The following SPAG9 variants were observed in gnomAD, a reference collection of about 807,000 sequenced individuals.
SPAG9 encodes C-Jun-amino-terminal kinase-interacting protein 4.
SPAG9 carries 35 observed loss-of-function variants against 166.5 expected under a neutral mutation model. That is an observed-to-expected ratio of 0.21 (90% CI 0.16 to 0.28). The LOEUF is 0.28. Ranked by LOEUF, SPAG9 falls within the 10% of genes least tolerant of loss-of-function variation. The probability of loss-of-function intolerance (pLI) is 1.00; values close to 1 mark genes in which losing one functional copy is unlikely to be tolerated. For synonymous variants in SPAG9, 534 were observed against 565.5 expected (o/e 0.94, Z 0.79); for missense variants, 1,235 against 1,603.3 (o/e 0.77, Z 3.92).
chr17:51,035,479 T>C (rs964486054), intron 5 of SPAG9, among the ~76,000 whole-genome samples: 73 of 152,264 alleles, frequency 4.8e-4, no homozygotes, highest in African/African-American at 1.6e-3. Context: ...ATGATTCAAC[T>C]ACTATAGAGA....
At chr17:50,997,912 A>G (rs1359153771) in intron 15 of SPAG9, among the ~76,000 whole-genome samples, 2 of 152,272 alleles carry the variant, frequency 1.3e-5, no homozygotes, top group Admixed American at 1.3e-4. Flanking sequence ...ACCAGCAAAA[A>G]TGAGGCATTT....
chr17:51,019,612 G>C (rs1196200748), intron 8 of SPAG9, among the ~76,000 whole-genome samples: 2 of 151,434 alleles, frequency 1.3e-5, no homozygotes, highest in Non-Finnish European at 2.9e-5. Context: ...CAGGACTTTG[G>C]GAGGCCGAGG....
At chr17:51,079,830 T>C (rs2048112491) in intron 1 of SPAG9, 126 bp from the exon 2 acceptor site, 2 of 594,858 alleles carry the variant, frequency 3.4e-6, no homozygotes, top group East Asian at 6.0e-5. Context: ...ATTATGACCT[T>C]GGGTTGATTT....
intron 1 of SPAG9, among the ~76,000 whole-genome samples, chr17:51,087,522 A>C (rs182922221): frequency 6.6e-6 from 1 of 152,122 alleles, no homozygotes; most frequent in South Asian, 2.1e-4. Context: ...CTTTGTCTCT[A>C]TACCTAACCT....
intron 9 of SPAG9, among the ~76,000 whole-genome samples, chr17:51,011,033 C>A (rs752621609): frequency 1.3e-5 from 2 of 151,918 alleles, no homozygotes; most frequent in Non-Finnish European, 1.5e-5. Context: ...AGGTAAGAGT[C>A]GAGACAGGAA....
rs2049447334 is a variant in SPAG9 at position 51,120,477 on chromosome 17, G to A, written c.180C>T (p.Asn60=). The change falls in exon 1 of 30, where the codon AAC becomes AAT. Residue 60 remains asparagine, a synonymous_variant. Transcript: ENST00000262013. The surrounding 1 kb of genome is among the most constrained non-coding windows in gnomAD (Gnocchi z 4.7). ...GGTCCTGCGCGAACACCGAGTCCAGGTTCTCCAGCACAGCCACCACCAGCG... is the reference window on the plus strand; with the variant it reads ...GGTCCTGCGCGAACACCGAGTCCAGATTCTCCAGCACAGCCACCACCAGCG... The part of the protein sequence containing the change: ...LMPLVVAVLE[N]LDSVFAQDQE... 1.2e-6 allele frequency: 2 copies of A among 1,614,016 alleles called. No homozygotes were observed. Among genetic ancestry groups the A allele is most frequent in the Admixed American group, 1.7e-5 (1 of 60,024 alleles).
intron 2 of SPAG9, among the ~76,000 whole-genome samples, chr17:51,073,552 T>TA (rs1031301361): frequency 4.2e-4 from 63 of 149,486 alleles, no homozygotes; most frequent in African/African-American, 4.7e-4. Context: ...ATTGCAGATT[T>TA]AAAAAAAAAC....
At position 51,005,206 on chromosome 17, in the gene SPAG9, A is replaced by G; in HGVS notation, c.1476+6T>C. 1 of 1,613,708 alleles carries G rather than the reference A, an allele frequency of 6.2e-7. No individual in the cohort carries two copies. The highest frequency in any genetic ancestry group is 8.5e-7 in the Non-Finnish European group (1 of 1,179,768). On this transcript the variant is annotated splice_donor_region_variant and intron_variant, in intron 12 of 29. Transcript: ENST00000262013. ...TAAGAAAAAAAGTCCAAAATTGTAAACCTACATCATCGTCATCTTTTGCTT... is the reference window on the plus strand; with the variant it reads ...TAAGAAAAAAAGTCCAAAATTGTAAGCCTACATCATCGTCATCTTTTGCTT...
chr17:50,975,531 T>C, intron 27 of SPAG9, among the ~76,000 whole-genome samples: 1 of 152,036 alleles, frequency 6.6e-6, no homozygotes, highest in African/African-American at 2.4e-5. Context: ...CATGGGCAAG[T>C]AAGTAAATGA....
At chr17:51,048,199 G>A (rs2144463982) in intron 3 of SPAG9, among the ~76,000 whole-genome samples, 1 of 152,036 alleles carries the variant, frequency 6.6e-6, no homozygotes. Context: ...AGAATATAAA[G>A]TACATAAACT....
rs1444187123 is a variant in SPAG9 at position 50,990,343 on chromosome 17, C to G, written c.2617+107G>C. 3.3e-6 allele frequency: 3 copies of G among 898,402 alleles called. No homozygotes were observed. The African/African-American group carries it at 4.9e-5, about 15-fold the overall frequency. 55.7% of individuals were successfully genotyped at this position (898,402 alleles called of 1,614,324 possible). On this transcript the variant is annotated intron_variant, in intron 20 of 29. Coordinates refer to ENST00000262013, the MANE Select transcript of SPAG9 (RefSeq NM_001130528.3). ...ACGCCCGGCCTACAGTATCTTCTTT[C>G]AAGTTCTTTCAACCTTGTTACTTAA...
intron 5 of SPAG9, 93 bp from the exon 6 acceptor site, chr17:51,031,815 T>G: frequency 4.5e-6 from 4 of 889,770 alleles, no homozygotes. Context: ...TCTCCCAAGA[T>G]ACAAGATTCA....
At chr17:51,010,380 G>A (rs2045416986) in intron 9 of SPAG9, among the ~76,000 whole-genome samples, 1 of 151,974 alleles carries the variant, frequency 6.6e-6, no homozygotes, top group Non-Finnish European at 1.5e-5. Flanking sequence ...CAAAGACACA[G>A]TTGTCTCAGC....
Position 51,081,716 on chromosome 17 carries a change from T to C in SPAG9, c.304-2012A>G, listed in dbSNP as rs958638907. Among the ~76,000 whole-genome samples the C allele has an allele frequency of 2.6e-5, 4 of 151,712 alleles. No individual in the cohort carries two copies. The East Asian group carries it at 7.7e-4, about 29-fold the overall frequency. On this transcript the variant is annotated intron_variant, in intron 1 of 29. Coordinates refer to ENST00000262013, the MANE Select transcript of SPAG9 (RefSeq NM_001130528.3). The stretch of plus-strand genomic sequence containing the variant: ...GAGATCACGCCATTGCACTCCAGCC[T>C]GAGCAACAAGAGCAAACCTCTGTCT...
intron 2 of SPAG9, among the ~76,000 whole-genome samples, chr17:51,061,834 C>T (rs141068778): frequency 2.2e-4 from 33 of 152,244 alleles, no homozygotes; most frequent in African/African-American, 6.7e-4. Context: ...CCTCCATTCA[C>T]AGCTTTCTAA....
intron 19 of SPAG9, 82 bp from the exon 20 acceptor site, chr17:50,990,750 A>C: frequency 9.1e-7 from 1 of 1,094,762 alleles, no homozygotes; most frequent in South Asian, 1.4e-5. Flanking sequence ...CAGGTTTGAA[A>C]TGAGAGTTAT....
In SPAG9 at chr17:51,005,847, G is replaced by A. The variant is rs113175441; in HGVS notation, c.1424+238C>T. Among the ~76,000 whole-genome samples the A allele has an allele frequency of 5.7e-3, 868 of 152,306 alleles. 5 individuals are homozygous for A. The highest frequency in any genetic ancestry group is 0.019 in the African/African-American group (786 of 41,570). On this transcript the variant is annotated intron_variant, in intron 11 of 29. Transcript: ENST00000262013. ...GCCTGGGCAACAGGAGTGAGACTCC[G>A]TCTCAAAAAAACAGAAAACAAAAAA...
chr17:51,041,679 G>A, intron 4 of SPAG9, 28 bp from the exon 5 acceptor site: 1 of 1,607,762 alleles, frequency 6.2e-7, no homozygotes, highest in Non-Finnish European at 8.5e-7. Context: ...AAAAAATTCG[G>A]CATTCATTTA....
chr17:50,971,262 C>T (rs767536534), intron 28 of SPAG9, among the ~76,000 whole-genome samples: 6 of 151,784 alleles, frequency 4.0e-5, no homozygotes, highest in Non-Finnish European at 2.9e-5. Context: ...AGCTGTGATG[C>T]GCCACTGTAC....
Sources: allele counts gnomAD v4.1 joint callset (sites outside exome capture counted in the v4.1 genomes callset), GRCh38; gene constraint gnomAD v4.1.1; non-coding constraint Gnocchi (gnomAD v3.1); transcripts MANE v1.5; gene names NCBI Gene and HGNC (gene_info 2026-07-23, HGNC 2026-07-21).